The following TXNDC12 variants were observed in gnomAD, a reference collection of about 807,000 sequenced individuals.
TXNDC12 encodes thioredoxin domain containing 12.
Under a neutral mutation model 24.2 loss-of-function variants are expected in TXNDC12, and 22 were observed. That is an observed-to-expected ratio of 0.91 (90% CI 0.65 to 1.30). TXNDC12 has a LOEUF of 1.30. TXNDC12 is among the 50% of genes most tolerant of loss of function. TXNDC12 has a pLI of 0.00. For synonymous variants in TXNDC12, 58 were observed against 73.4 expected, an observed-to-expected ratio of 0.79 and a Z score of 1.07; for missense variants, 184 against 205.8, an observed-to-expected ratio of 0.89 and a Z score of 0.65.
chr1:52,032,640 A>G, intron 2 of TXNDC12: 2 of 1,532,146 alleles, frequency 1.3e-6, no homozygotes, highest in South Asian at 1.3e-5. Context: ...TATTTTTCCC[A>G]GAGAAATAAA....
intron 1 of TXNDC12, among the ~76,000 whole-genome samples, chr1:52,049,464 T>C (rs1686158403): frequency 1.3e-5 from 2 of 152,046 alleles, no homozygotes; most frequent in Admixed American, 1.3e-4. Context: ...CAGGTGCCTG[T>C]AATCCCAACT....
chr1:52,053,686 A>AAC (rs1243098260), intron 1 of TXNDC12, among the ~76,000 whole-genome samples: 1 of 139,626 alleles, frequency 7.2e-6, no homozygotes, highest in African/African-American at 3.1e-5. Flanking sequence ...AAACAACAAC[A>AAC]AAAAAAAACG....
At chr1:52,041,139 T>C (rs1233632205) in intron 2 of TXNDC12, among the ~76,000 whole-genome samples, 2 of 152,008 alleles carry the variant, frequency 1.3e-5, no homozygotes, top group Non-Finnish European at 2.9e-5. Flanking sequence ...GAGACCATCC[T>C]GGCTAACACG....
At chr1:52,052,517 A>T (rs1686233157) in intron 1 of TXNDC12, 1 of 169,690 alleles carries the variant, frequency 5.9e-6, no homozygotes, top group Non-Finnish European at 1.5e-5. Flanking sequence ...CCTCCCATAA[A>T]GCTACTGTGA....
chr1:52,033,799 A>G, intron 2 of TXNDC12: 1 of 1,528,438 alleles, frequency 6.5e-7, no homozygotes, highest in Non-Finnish European at 8.8e-7. Context: ...GCGCTGCGCC[A>G]ACTTCCGGGT....
At chr1:52,024,644 G>T in intron 4 of TXNDC12, 65 bp from the exon 5 acceptor site, 2 of 1,331,582 alleles carry the variant, frequency 1.5e-6, no homozygotes, top group Non-Finnish European at 1.1e-6. Flanking sequence ...ACCATTCAGT[G>T]GCTTCCCCAC....
upstream of TXNDC12, chr1:52,055,245 C>T (rs772606934): frequency 1.6e-6 from 1 of 626,606 alleles, no homozygotes; most frequent in Non-Finnish European, 2.9e-6. Context: ...TGATGTTAGA[C>T]GGATGTGGGT....
intron 6 of TXNDC12, among the ~76,000 whole-genome samples, chr1:52,022,241 AC>A (rs1360784017): frequency 6.6e-6 from 1 of 152,212 alleles, no homozygotes; most frequent in African/African-American, 2.4e-5. Flanking sequence ...ACACATGGCA[AC>A]TTAGCACACA....
chr1:52,032,573 T>A, intron 2 of TXNDC12: 1 of 1,419,192 alleles, frequency 7.0e-7, no homozygotes, highest in South Asian at 1.7e-5. Flanking sequence ...TTTGAGTGAA[T>A]CAGTCACAAC....
chr1:52,024,195 G>A (rs1289765507), intron 5 of TXNDC12, among the ~76,000 whole-genome samples: 1 of 151,960 alleles, frequency 6.6e-6, no homozygotes, highest in Non-Finnish European at 1.5e-5. Flanking sequence ...GGCTTTCACC[G>A]TGTTGCCCAT....
intron 2 of TXNDC12, among the ~76,000 whole-genome samples, chr1:52,031,590 T>C (rs894360790): frequency 1.4e-4 from 21 of 152,098 alleles, no homozygotes; most frequent in African/African-American, 4.8e-4. Context: ...CCTCCCAGGT[T>C]CAAGCGATTC....
At chr1:52,026,191 C>A (rs1159344351) in intron 4 of TXNDC12, among the ~76,000 whole-genome samples, 1 of 152,096 alleles carries the variant, frequency 6.6e-6, no homozygotes, top group Non-Finnish European at 1.5e-5. Flanking sequence ...CATCTGAGTA[C>A]CTCACATGTG....
At chr1:52,045,618 G>T (rs1189505775) in intron 1 of TXNDC12, among the ~76,000 whole-genome samples, 1 of 152,112 alleles carries the variant, frequency 6.6e-6, no homozygotes, top group Non-Finnish European at 1.5e-5. Flanking sequence ...CTGTGTATTT[G>T]TTATGGCAGT....
intron 6 of TXNDC12, among the ~76,000 whole-genome samples, chr1:52,022,807 T>G (rs540480722): frequency 9.5e-5 from 13 of 136,278 alleles, no homozygotes; most frequent in African/African-American, 3.5e-4. Flanking sequence ...CGCCAGCTAA[T>G]TTTTTGTATT....
At chr1:52,036,196 G>A (rs1685880370) in intron 2 of TXNDC12, among the ~76,000 whole-genome samples, 1 of 152,074 alleles carries the variant, frequency 6.6e-6, no homozygotes, top group Non-Finnish European at 1.5e-5. Context: ...ATAGCCTACT[G>A]TTGACTGGAA....
chr1:52,037,972 GGC>G (rs1413060200), intron 2 of TXNDC12, among the ~76,000 whole-genome samples: 6 of 151,582 alleles, frequency 4.0e-5, no homozygotes, highest in African/African-American at 1.5e-4. Flanking sequence ...CTGTTGCCCA[GGC>G]TACAGTTCAG....
chr1:52,041,282 G>C (rs758995627), intron 2 of TXNDC12, among the ~76,000 whole-genome samples: 3 of 150,562 alleles, frequency 2.0e-5, no homozygotes, highest in African/African-American at 7.4e-5. Flanking sequence ...GCAGTGAGCC[G>C]AGATCGTGCC....
chr1:52,027,350 T>TG lies in TXNDC12; in HGVS notation c.212-3dup, dbSNP rs1685685157. 2 of 1,610,296 alleles carry TG rather than the reference T, an allele frequency of 1.2e-6. No individual in the cohort carries two copies. Among genetic ancestry groups the TG allele is most frequent in the Non-Finnish European group, 1.7e-6 (2 of 1,177,142 alleles). ...ATTCTGCAAATTTGGGCTTTAGAGCTGGGGGGAAAAAGATTTTGGAATAGA... is the reference window on the plus strand; with the variant it reads ...ATTCTGCAAATTTGGGCTTTAGAGCTGGGGGGGAAAAAGATTTTGGAATAGA... On this transcript the variant is annotated splice_polypyrimidine_tract_variant and splice_region_variant and intron_variant, in intron 3 of 6. Coordinates refer to ENST00000371626, the MANE Select transcript of TXNDC12 (RefSeq NM_015913.4).
chr1:52,055,189 A>C lies in TXNDC12; in HGVS notation c.-93T>G. 1 of 750,606 alleles carries C rather than the reference A, an allele frequency of 1.3e-6. No homozygotes were observed. Among genetic ancestry groups the C allele is most frequent in the East Asian group, 2.5e-5 (1 of 39,398 alleles). The allele number at this position is 750,606 out of a possible 1,614,324, so 46.5% of individuals were successfully genotyped here. On this transcript the variant is annotated 5_prime_UTR_variant, in exon 1 of 7. Transcript: ENST00000371626. ...CAGTTCGCCGAGCGCCGCTCAGCAC[A>C]ACACCTCTACTTCCCAGATTTTTTT...
Sources: allele counts gnomAD v4.1 joint callset (sites outside exome capture counted in the v4.1 genomes callset), GRCh38; gene constraint gnomAD v4.1.1; transcripts MANE v1.5; gene names NCBI Gene and HGNC (gene_info 2026-07-23, HGNC 2026-07-21).